The following MIPEP variants were observed in gnomAD, a reference collection of about 807,000 sequenced individuals.
MIPEP encodes the protein mitochondrial intermediate peptidase.
Under a neutral mutation model 90.3 loss-of-function variants are expected in MIPEP, and 79 were observed. The ratio of observed to expected loss-of-function variants is 0.87; its 90% confidence interval spans 0.73 to 1.05. The LOEUF is 1.05. MIPEP is among the 50% of genes least tolerant of loss of function. MIPEP has a pLI of 0.00. For missense variants in MIPEP, 940 were observed against 905.6 expected (o/e 1.04, Z -0.49); for synonymous variants, 334 against 315.8 (o/e 1.06, Z -0.61).
chr13:23,836,220 G>A lies in MIPEP; in HGVS notation c.1653+20C>T, dbSNP rs759004756. ...ACTATCACAACCCAAAGGACAAGAC[G>A]ACAATATTACTGTTCCTACCTGTCC... On this transcript the variant is annotated intron_variant, in intron 14 of 18. Transcript: ENST00000382172. 33 of 1,471,830 alleles carry A rather than the reference G, an allele frequency of 2.2e-5. No individual in the cohort carries two copies. The Middle Eastern group carries it at 1.1e-3, about 47-fold the overall frequency. 91.2% of individuals were successfully genotyped at this position (1,471,830 alleles called of 1,614,324 possible). A position where few individuals can be genotyped will look rare whatever the true frequency, so the allele number is the denominator to read the frequency against.
chr13:23,871,217 G>A (rs563397240), intron 5 of MIPEP, among the ~76,000 whole-genome samples: 18 of 152,214 alleles, frequency 1.2e-4, no homozygotes, highest in African/African-American at 3.6e-4. Flanking sequence ...TGGATGGTGC[G>A]GACACATCTG....
At chr13:23,794,225 T>G (rs1209917681) in intron 16 of MIPEP, among the ~76,000 whole-genome samples, 2 of 152,128 alleles carry the variant, frequency 1.3e-5, no homozygotes, top group African/African-American at 4.8e-5. Flanking sequence ...CAGTGTGATA[T>G]AGTACCCCAG....
At position 23,829,141 on chromosome 13, in the gene MIPEP, C is replaced by T. The variant is rs7995148; in HGVS notation, c.1653+7099G>A. Among the ~76,000 whole-genome samples, 1,346 of 152,212 alleles carry T rather than the reference C, an allele frequency of 8.8e-3. 25 individuals are homozygous for T. Among genetic ancestry groups the T allele is most frequent in the African/African-American group, 0.031 (1,268 of 41,538 alleles). Reference sequence around the variant, plus strand: ...ACACGGAAGAAAGTAAAATGGATTCCCGCCTTATGCCAAACCCAGAAAGAA... The same window carrying T: ...ACACGGAAGAAAGTAAAATGGATTCTCGCCTTATGCCAAACCCAGAAAGAA... On this transcript the variant is annotated intron_variant, in intron 14 of 18. Coordinates refer to ENST00000382172, the MANE Select transcript of MIPEP (RefSeq NM_005932.4).
At chr13:23,780,900 GA>G (rs1289626384) in intron 16 of MIPEP, among the ~76,000 whole-genome samples, 1 of 151,452 alleles carries the variant, frequency 6.6e-6, no homozygotes, top group African/African-American at 2.4e-5. Flanking sequence ...GAGAAGTTTA[GA>G]AAAAAAAGGG....
chr13:23,802,598 T>C (rs539544346), intron 16 of MIPEP, among the ~76,000 whole-genome samples: 40 of 152,326 alleles, frequency 2.6e-4, no homozygotes, highest in African/African-American at 9.6e-4. Flanking sequence ...TTTTATGCTA[T>C]GTGGTATTTA....
At chr13:23,779,976 G>A (rs1952762030) in intron 16 of MIPEP, among the ~76,000 whole-genome samples, 1 of 152,198 alleles carries the variant, frequency 6.6e-6, no homozygotes, top group Non-Finnish European at 1.5e-5. Flanking sequence ...GGAACTGGGT[G>A]GAGCCCACCT....
At chr13:23,876,542 G>A (rs1241089158) in intron 4 of MIPEP, among the ~76,000 whole-genome samples, 1 of 152,106 alleles carries the variant, frequency 6.6e-6, no homozygotes, top group African/African-American at 2.4e-5. Context: ...CTTATTTTGT[G>A]AAATGAGAGT....
chr13:23,740,847 T>C (rs868174358), intron 18 of MIPEP, among the ~76,000 whole-genome samples: 1 of 152,190 alleles, frequency 6.6e-6, no homozygotes, highest in African/African-American at 2.4e-5. Flanking sequence ...CTGCCCTCCA[T>C]AGCTTGGGTC....
intron 16 of MIPEP, among the ~76,000 whole-genome samples, chr13:23,767,078 G>A (rs1349167641): frequency 6.6e-6 from 1 of 152,216 alleles, no homozygotes; most frequent in Non-Finnish European, 1.5e-5. Context: ...GAGCCAACCG[G>A]TAAGAAGCCT....
chr13:23,792,023 G>A (rs1952902122), intron 16 of MIPEP, among the ~76,000 whole-genome samples: 1 of 152,032 alleles, frequency 6.6e-6, no homozygotes, highest in East Asian at 1.9e-4. Flanking sequence ...TCTTCAGTTG[G>A]TTCCAAGACA....
At chr13:23,874,503 T>C (rs1238909705) in intron 5 of MIPEP, among the ~76,000 whole-genome samples, 1 of 152,242 alleles carries the variant, frequency 6.6e-6, no homozygotes, top group Non-Finnish European at 1.5e-5. Context: ...TAAGGTCTTA[T>C]GTGATATTCC....
intron 18 of MIPEP, among the ~76,000 whole-genome samples, chr13:23,748,134 AG>A (rs1565980343): frequency 1.3e-5 from 2 of 152,036 alleles, no homozygotes. Context: ...TCCGACTCCC[AG>A]GTATAAGCAA....
intron 14 of MIPEP, among the ~76,000 whole-genome samples, chr13:23,826,504 A>T (rs748446208): frequency 6.6e-6 from 1 of 152,186 alleles, no homozygotes; most frequent in Admixed American, 6.5e-5. Flanking sequence ...CAAAAAGATA[A>T]ATAACTCCCC....
chr13:23,755,809 T>C (rs1049925247), intron 18 of MIPEP, among the ~76,000 whole-genome samples: 3 of 152,180 alleles, frequency 2.0e-5, no homozygotes, highest in Non-Finnish European at 4.4e-5. Context: ...GTTCTAATTT[T>C]TCAACAGGTA....
At chr13:23,778,387 T>C (rs1487950865) in intron 16 of MIPEP, among the ~76,000 whole-genome samples, 1 of 152,204 alleles carries the variant, frequency 6.6e-6, no homozygotes, top group Admixed American at 6.5e-5. Flanking sequence ...TAAACTATTC[T>C]AGCACATTAA....
intron 16 of MIPEP, 56 bp downstream of exon 16, chr13:23,805,894 A>T: frequency 6.3e-7 from 1 of 1,578,764 alleles, no homozygotes; most frequent in Non-Finnish European, 8.6e-7. Flanking sequence ...CACAAGCTAC[A>T]GAAGTAATAG....
chr13:23,829,213 G>A (rs1369563363), intron 14 of MIPEP, among the ~76,000 whole-genome samples: 2 of 152,112 alleles, frequency 1.3e-5, no homozygotes, highest in Non-Finnish European at 2.9e-5. Context: ...GCATTAAAAT[G>A]TTTAGAAGAA....
intron 14 of MIPEP, among the ~76,000 whole-genome samples, chr13:23,827,398 G>A (rs966536424): frequency 6.6e-6 from 1 of 152,166 alleles, no homozygotes; most frequent in Non-Finnish European, 1.5e-5. Flanking sequence ...AAAGCCCAAA[G>A]AGGCTTATGA....
At chr13:23,839,794 A>G (rs1869217554) in intron 11 of MIPEP, 68 bp from the exon 12 acceptor site, 3 of 1,099,672 alleles carry the variant, frequency 2.7e-6, no homozygotes, top group African/African-American at 1.6e-5. Context: ...CTAACACAAG[A>G]ATCTGTATAT....
Sources: allele counts gnomAD v4.1 joint callset (sites outside exome capture counted in the v4.1 genomes callset), GRCh38; gene constraint gnomAD v4.1.1; transcripts MANE v1.5; gene names NCBI Gene and HGNC (gene_info 2026-07-23, HGNC 2026-07-21).